ANTXR1: variants seen among roughly 807,000 people sequenced by gnomAD.
ANTXR1 encodes ANTXR cell adhesion molecule 1, also known as anthrax toxin receptor 1.
ANTXR1 carries 19 observed loss-of-function variants against 78.1 expected under a neutral mutation model. The observed-to-expected ratio is 0.24, with a 90% CI of 0.17 to 0.36. ANTXR1 has a LOEUF of 0.36. ANTXR1 is among the 10% of genes least tolerant of loss of function. The probability of loss-of-function intolerance (pLI) is 1.00; values close to 1 mark genes in which losing one functional copy is unlikely to be tolerated. For synonymous variants in ANTXR1, 273 were observed against 260.5 expected, an observed-to-expected ratio of 1.05 and a Z score of -0.46; for missense variants, 518 against 718.6, an observed-to-expected ratio of 0.72 and a Z score of 3.19.
chr2:69,057,205 A>T (rs747555668), intron 3 of ANTXR1, among the ~76,000 whole-genome samples: 1 of 152,118 alleles, frequency 6.6e-6, no homozygotes, highest in Non-Finnish European at 1.5e-5. Context: ...ACTTTTTGTT[A>T]TTATAAACAA....
chr2:69,127,595 G>A (rs1358405976), intron 12 of ANTXR1, among the ~76,000 whole-genome samples: 2 of 152,126 alleles, frequency 1.3e-5, no homozygotes, highest in African/African-American at 2.4e-5. Context: ...AGACAAAGAT[G>A]GAAGCAGTGT....
chr2:69,062,856 A>G (rs905734459), intron 3 of ANTXR1, among the ~76,000 whole-genome samples: 24 of 152,188 alleles, frequency 1.6e-4, no homozygotes, highest in African/African-American at 5.5e-4. Flanking sequence ...ATGGGGGGGA[A>G]GATATGGGTG....
At chr2:69,060,300 G>A (rs1670196281) in intron 3 of ANTXR1, among the ~76,000 whole-genome samples, 1 of 152,168 alleles carries the variant, frequency 6.6e-6, no homozygotes, top group African/African-American at 2.4e-5. Context: ...GAAAGCTAAA[G>A]TTCAGGGAGG....
At chr2:69,224,852 GT>G (rs1339701213) in intron 17 of ANTXR1, among the ~76,000 whole-genome samples, 1 of 152,166 alleles carries the variant, frequency 6.6e-6, no homozygotes, top group African/African-American at 2.4e-5. Context: ...ATTATACCAT[GT>G]GACTAACATA....
intron 13 of ANTXR1, among the ~76,000 whole-genome samples, chr2:69,162,886 A>C (rs1468170544): frequency 1.3e-5 from 2 of 152,148 alleles, no homozygotes; most frequent in Non-Finnish European, 2.9e-5. Flanking sequence ...AGAGCAGAAC[A>C]TTCAAAACTG....
chr2:69,218,483 T>G (rs886156086), intron 17 of ANTXR1, among the ~76,000 whole-genome samples: 2 of 152,158 alleles, frequency 1.3e-5, no homozygotes, highest in African/African-American at 4.8e-5. Flanking sequence ...TTCAAACTGC[T>G]TGGAAAATGC....
intron 12 of ANTXR1, chr2:69,145,525 T>C (rs1673198826): frequency 2.1e-6 from 3 of 1,436,468 alleles, no homozygotes; most frequent in African/African-American, 1.4e-5. Context: ...TGCCCCAACA[T>C]GGAAAGAAAC....
Position 69,073,089 on chromosome 2 carries a change from T to C in ANTXR1, c.480T>C (p.Tyr160=), listed in dbSNP as rs771612099. 1.9e-6 allele frequency: 3 copies of C among 1,614,038 alleles called. No homozygotes were observed. Among genetic ancestry groups the C allele is most frequent in the East Asian group, 2.2e-5 (1 of 44,884 alleles). Residue 160 remains tyrosine, a synonymous_variant, in exon 6 of 18, where the codon TAT becomes TAC. Coordinates refer to ENST00000303714, the MANE Select transcript of ANTXR1 (RefSeq NM_032208.3). ...DGELHEDLFF[Y]SEREANRSRD... is the part of the protein sequence containing the mutation. ...AACTCCATGAAGATCTCTTTTTCTA[T>C]TCAGAGAGGGAGGTAAGCAACGGCC...
At chr2:69,151,186 CTTTTT>C (rs59147668) in intron 12 of ANTXR1, among the ~76,000 whole-genome samples, 3 of 82,564 alleles carry the variant, frequency 3.6e-5, no homozygotes, top group African/African-American at 1.5e-4. Context: ...TGATTATTTT[CTTTTT>C]TTTTTTTTTT....
chr2:69,092,683 A>C (rs1671278638), intron 9 of ANTXR1, among the ~76,000 whole-genome samples: 1 of 152,196 alleles, frequency 6.6e-6, no homozygotes, highest in African/African-American at 2.4e-5. Context: ...CAGAAATCTT[A>C]CCTAGGCAAA....
chr2:69,144,831 C>CA (rs1215258350), intron 12 of ANTXR1, among the ~76,000 whole-genome samples: 1 of 152,180 alleles, frequency 6.6e-6, no homozygotes, highest in Non-Finnish European at 1.5e-5. Context: ...ACAGCAAACC[C>CA]ACCAGCCACC....
chr2:69,244,166 A>G (rs913162659), intron 17 of ANTXR1, among the ~76,000 whole-genome samples: 2 of 152,214 alleles, frequency 1.3e-5, no homozygotes, highest in Non-Finnish European at 2.9e-5. Flanking sequence ...AGCAGAGCAG[A>G]TACTATAGGG....
chr2:69,136,620 G>A (rs891235459), intron 12 of ANTXR1, among the ~76,000 whole-genome samples: 4 of 152,188 alleles, frequency 2.6e-5, no homozygotes, highest in Non-Finnish European at 4.4e-5. Context: ...AACTTGGAAT[G>A]CAGCTAAGTG....
chr2:69,064,363 G>A (rs1670332683), intron 3 of ANTXR1, among the ~76,000 whole-genome samples: 1 of 152,126 alleles, frequency 6.6e-6, no homozygotes, highest in Admixed American at 6.5e-5. Context: ...TCAAGTAGTT[G>A]AAAAGACCAG....
chr2:69,138,095 G>GAA (rs530717585), intron 12 of ANTXR1, among the ~76,000 whole-genome samples: 3 of 89,060 alleles, frequency 3.4e-5, no homozygotes, highest in African/African-American at 1.1e-4. Flanking sequence ...AAAAAAAAAA[G>GAA]AAAAAAAAAA....
In ANTXR1 at chr2:69,228,703, A is replaced by G. The variant is rs138980993; in HGVS notation, c.1435-16522A>G. On this transcript the variant is annotated intron_variant, in intron 17 of 17. Coordinates refer to ENST00000303714, the MANE Select transcript of ANTXR1 (RefSeq NM_032208.3). The stretch of plus-strand genomic sequence containing the variant: ...GGATTAGTATGAAACTTTTCACTCC[A>G]TAACAAACAACTTGTCCCTCAAATG... 3.3e-3 allele frequency among the ~76,000 whole-genome samples: 503 copies of G among 152,338 alleles called. 2 individuals are homozygous for G. The highest frequency in any genetic ancestry group is 0.012 in the African/African-American group (490 of 41,566).
At chr2:69,186,144 C>T (rs1234339738) in intron 16 of ANTXR1, among the ~76,000 whole-genome samples, 1 of 152,162 alleles carries the variant, frequency 6.6e-6, no homozygotes, top group East Asian at 1.9e-4. Flanking sequence ...AGCATCCTGC[C>T]AGTCAAACCA....
chr2:69,161,611 GC>G (rs1673684663), intron 13 of ANTXR1, among the ~76,000 whole-genome samples: 1 of 152,152 alleles, frequency 6.6e-6, no homozygotes, highest in Admixed American at 6.5e-5. Flanking sequence ...CCATCAACTA[GC>G]ATCTCATCTC....
At position 69,094,834 on chromosome 2, in the gene ANTXR1, G is replaced by A. The variant is rs139953198; in HGVS notation, c.703+3915G>A. ...TAATTTAATGGGACAAATATAAAGCGTTGAACTTGGGTTCAAATATCCAGT... is the reference window on the plus strand; with the variant it reads ...TAATTTAATGGGACAAATATAAAGCATTGAACTTGGGTTCAAATATCCAGT... On this transcript the variant is annotated intron_variant, in intron 9 of 17. Coordinates refer to ENST00000303714, the MANE Select transcript of ANTXR1 (RefSeq NM_032208.3). Among the ~76,000 whole-genome samples the A allele has an allele frequency of 1.8e-3, 267 of 152,366 alleles. 1 individual carries two copies. The highest frequency in any genetic ancestry group is 6.0e-3 in the African/African-American group (251 of 41,584).
Sources: allele counts gnomAD v4.1 joint callset (sites outside exome capture counted in the v4.1 genomes callset), GRCh38; gene constraint gnomAD v4.1.1; transcripts MANE v1.5; gene names NCBI Gene and HGNC (gene_info 2026-07-23, HGNC 2026-07-21).